Variants in EPB41L4B observed in about 807,000 individuals in gnomAD.
EPB41L4B encodes band 4.1-like protein 4B.
EPB41L4B carries 30 observed loss-of-function variants against 112.5 expected under a neutral mutation model. The observed-to-expected ratio is 0.27, with a 90% confidence interval of 0.20 to 0.36. The LOEUF is 0.36. Ranked by LOEUF, EPB41L4B falls within the 10% of genes least tolerant of loss-of-function variation. The pLI, the probability that EPB41L4B is intolerant of heterozygous loss-of-function variation, is 1.00. For missense variants in EPB41L4B, 1,024 were observed against 1,133.3 expected (o/e 0.90, Z 1.38); for synonymous variants, 408 against 439.7 (o/e 0.93, Z 0.90).
chr9:109,295,644 T>C (rs1032525198), intron 1 of EPB41L4B, among the ~76,000 whole-genome samples: 1 of 152,116 alleles, frequency 6.6e-6, no homozygotes, highest in African/African-American at 2.4e-5. Flanking sequence ...CCAATACAAT[T>C]TTCCTTCTTG....
intron 1 of EPB41L4B, among the ~76,000 whole-genome samples, chr9:109,311,656 G>A (rs1208685660): frequency 2.0e-5 from 3 of 152,238 alleles, no homozygotes; most frequent in Non-Finnish European, 4.4e-5. Context: ...GATGCTGAAA[G>A]GCAAAGTGGT....
intron 15 of EPB41L4B, chr9:109,240,363 C>G (rs565731262): frequency 1.0e-6 from 1 of 985,322 alleles, no homozygotes; most frequent in Non-Finnish European, 1.2e-6. Context: ...CAGCTGATAC[C>G]TTCTTGCTGA....
chr9:109,317,034 G>A (rs1056994958), intron 1 of EPB41L4B, among the ~76,000 whole-genome samples: 1 of 152,142 alleles, frequency 6.6e-6, no homozygotes, highest in South Asian at 2.1e-4. Context: ...GCGGCTAGGA[G>A]ATTAAGACCG....
chr9:109,257,900 CAGG>C (rs1324440826), intron 7 of EPB41L4B, among the ~76,000 whole-genome samples: 1 of 152,152 alleles, frequency 6.6e-6, no homozygotes, highest in Non-Finnish European at 1.5e-5. Flanking sequence ...GAGGCTGAGG[CAGG>C]AGGATTGCTT....
intron 24 of EPB41L4B, 106 bp from the exon 25 acceptor site, chr9:109,176,802 AC>A: frequency 7.9e-7 from 1 of 1,267,374 alleles, no homozygotes; most frequent in Non-Finnish European, 1.1e-6. Context: ...CCTTTTCACT[AC>A]CAGCTAAAAT....
rs73529306 is a variant in EPB41L4B at position 109,237,915 on chromosome 9, T to C, written c.1409+5703A>G. Among the ~76,000 whole-genome samples, 891 of 149,440 alleles carry C rather than the reference T, an allele frequency of 6.0e-3. 5 individuals carry two copies. Among genetic ancestry groups the C allele is most frequent in the African/African-American group, 0.021 (868 of 40,576 alleles). On this transcript the variant is annotated intron_variant, in intron 15 of 25. Transcript: ENST00000374566. The stretch of plus-strand genomic sequence containing the variant: ...GGGGTTACTAGATGGCTGGAGGGAG[T>C]GGATGGCTCTCTGGTTAGCAATTAG...
intron 20 of EPB41L4B, among the ~76,000 whole-genome samples, chr9:109,200,018 G>A (rs760585805): frequency 5.3e-5 from 8 of 152,164 alleles, no homozygotes; most frequent in Non-Finnish European, 1.2e-4. Flanking sequence ...CACTAAGTTT[G>A]GGAGTAATTT....
chr9:109,230,203 G>A (rs1232035150), intron 15 of EPB41L4B, among the ~76,000 whole-genome samples: 1 of 152,176 alleles, frequency 6.6e-6, no homozygotes, highest in Non-Finnish European at 1.5e-5. Flanking sequence ...TATACATAAG[G>A]AAAGAGGAGC....
At chr9:109,243,115 G>A (rs1834409929) in intron 15 of EPB41L4B, among the ~76,000 whole-genome samples, 1 of 147,806 alleles carries the variant, frequency 6.8e-6, no homozygotes, top group African/African-American at 2.5e-5. Flanking sequence ...TATATTGACT[G>A]TCTGATCCTT....
chr9:109,191,832 G>A (rs1832470342), intron 22 of EPB41L4B, among the ~76,000 whole-genome samples: 1 of 152,182 alleles, frequency 6.6e-6, no homozygotes, highest in South Asian at 2.1e-4. Context: ...GGGGAGACCT[G>A]TATGCAGAGG....
chr9:109,239,684 A>C (rs886131302), intron 15 of EPB41L4B: 1 of 266,214 alleles, frequency 3.8e-6, no homozygotes, highest in Non-Finnish European at 5.8e-6. Context: ...AAGTATGCAT[A>C]CTGGTGAGGC....
chr9:109,255,929 G>A lies in EPB41L4B; in HGVS notation c.930-86C>T, dbSNP rs995675345. ...TAGCAGTTTCCTTTCTACTTTTAAA[G>A]CTTAGACTAAAAAAAAAATAAAAAC... On this transcript the variant is annotated intron_variant, in intron 9 of 25. Coordinates refer to ENST00000374566, the MANE Select transcript of EPB41L4B (RefSeq NM_019114.5). 21 of 1,366,892 alleles carry A rather than the reference G, an allele frequency of 1.5e-5. No homozygotes were observed. In the African/African-American group the frequency reaches 2.6e-4, roughly 17 times the overall value. The allele number at this position is 1,366,892 out of a possible 1,614,324, so 84.7% of individuals were successfully genotyped here. A position where few individuals can be genotyped will look rare whatever the true frequency, so the allele number is the denominator to read the frequency against.
At chr9:109,219,555 T>C (rs990884977) in intron 15 of EPB41L4B, among the ~76,000 whole-genome samples, 1 of 152,066 alleles carries the variant, frequency 6.6e-6, no homozygotes, top group African/African-American at 2.4e-5. Context: ...AGAGATGGGG[T>C]TTCACCGTGT....
chr9:109,216,964 C>T lies in EPB41L4B; in HGVS notation c.1591G>A (p.Gly531Arg). 6.2e-7 allele frequency: 1 copy of T among 1,614,142 alleles called. No homozygotes were observed. Among genetic ancestry groups the T allele is most frequent in the East Asian group, 2.2e-5 (1 of 44,884 alleles). The change falls in exon 16 of 26, where the codon GGG becomes AGG. Residue 531 changes from glycine (G) to arginine (R), a missense_variant. Coordinates refer to ENST00000374566, the MANE Select transcript of EPB41L4B (RefSeq NM_019114.5). ...CTGGAGTTTGGGGACCTCAGAGGCC[C>T]CTCTTTGTTCTCCAGGGTCAGTGAG... ...SLSLTLENKE[G>R]PLRSPNSSSK...
intron 1 of EPB41L4B, among the ~76,000 whole-genome samples, chr9:109,314,589 T>C (rs1278771427): frequency 6.6e-6 from 1 of 151,676 alleles, no homozygotes; most frequent in Non-Finnish European, 1.5e-5. Context: ...CTCTTGCTTG[T>C]ATCACGACAC....
rs1232211075 is a variant in EPB41L4B at position 109,320,900 on chromosome 9, T to TCGCCG, written c.-459_-455dup. On this transcript the variant is annotated 5_prime_UTR_variant, in exon 1 of 26. Coordinates refer to ENST00000374566, the MANE Select transcript of EPB41L4B (RefSeq NM_019114.5). ...GTGGTCCTGGCGCGCTCGCTCCCAC[T>TCGCCG]CGCCGCGCCGCGCCCGGGGCCCGAG... 2 of 150,282 alleles carry TCGCCG rather than the reference T, an allele frequency of 1.3e-5. No individual in the cohort carries two copies. Among genetic ancestry groups the TCGCCG allele is most frequent in the Non-Finnish European group, 2.9e-5 (2 of 68,616 alleles). The allele number at this position is 150,282 out of a possible 1,614,324, so 9.3% of individuals were successfully genotyped here.
intron 24 of EPB41L4B, among the ~76,000 whole-genome samples, chr9:109,177,656 T>C (rs1191195007): frequency 6.6e-6 from 1 of 151,500 alleles, no homozygotes; most frequent in Non-Finnish European, 1.5e-5. Flanking sequence ...ACCCCATCTC[T>C]ACTAAAAATA....
chr9:109,274,484 G>A (rs1004100143), intron 2 of EPB41L4B, among the ~76,000 whole-genome samples: 1 of 152,128 alleles, frequency 6.6e-6, no homozygotes, highest in East Asian at 1.9e-4. Flanking sequence ...TTCTTTAGAG[G>A]ACTGAATACA....
intron 10 of EPB41L4B, 25 bp from the exon 11 acceptor site, chr9:109,255,705 C>G (rs764257171): frequency 2.5e-6 from 4 of 1,610,432 alleles, no homozygotes; most frequent in Non-Finnish European, 3.4e-6. Context: ...ACAAGGGCCT[C>G]GAGTGGGCGT....
Sources: allele counts gnomAD v4.1 joint callset (sites outside exome capture counted in the v4.1 genomes callset), GRCh38; gene constraint gnomAD v4.1.1; transcripts MANE v1.5; gene names NCBI Gene and HGNC (gene_info 2026-07-23, HGNC 2026-07-21).